The following GMDS variants were observed in gnomAD, a reference collection of about 807,000 sequenced individuals.
GMDS encodes GDP-mannose 4,6 dehydratase.
Under a neutral mutation model 49.9 loss-of-function variants are expected in GMDS, and 20 were observed. The ratio of observed to expected loss-of-function variants is 0.40; its 90% confidence interval spans 0.28 to 0.58. The LOEUF (loss-of-function observed/expected upper bound fraction) is 0.58, where lower values mean the gene tolerates loss of function less well. Among genes scored for constraint, GMDS ranks in the 20% least tolerant of loss-of-function variants. GMDS has a pLI of 0.42. For missense variants in GMDS, 362 were observed against 481.4 expected (o/e 0.75, Z 2.32); for synonymous variants, 177 against 178.6 (o/e 0.99, Z 0.07).
intron 7 of GMDS, among the ~76,000 whole-genome samples, chr6:1,803,729 A>C (rs1412767735): frequency 6.6e-6 from 1 of 152,180 alleles, no homozygotes; most frequent in African/African-American, 2.4e-5. Flanking sequence ...TGGGTCAATA[A>C]ATCTGCAGGA....
intron 9 of GMDS, among the ~76,000 whole-genome samples, chr6:1,680,372 A>G (rs764725605): frequency 5.3e-5 from 8 of 152,234 alleles, no homozygotes; most frequent in Non-Finnish European, 1.2e-4. Flanking sequence ...CAGTAAATAA[A>G]CAGGGCCTGA....
intron 7 of GMDS, among the ~76,000 whole-genome samples, chr6:1,824,048 T>C (rs1292707733): frequency 9.2e-5 from 14 of 152,120 alleles, no homozygotes; most frequent in East Asian, 1.9e-4. Context: ...TGTGTGCTTA[T>C]GCTATTACCA....
At chr6:2,029,553 C>T (rs1768827345) in intron 4 of GMDS, among the ~76,000 whole-genome samples, 1 of 152,170 alleles carries the variant, frequency 6.6e-6, no homozygotes, top group African/African-American at 2.4e-5. Flanking sequence ...CCAACTGCAC[C>T]TGCAGTCCAG....
intron 1 of GMDS, among the ~76,000 whole-genome samples, chr6:2,212,094 T>C (rs960124863): frequency 6.6e-6 from 1 of 152,234 alleles, no homozygotes; most frequent in Admixed American, 6.5e-5. Flanking sequence ...AGAACCTGTG[T>C]TACATTTCTC....
At chr6:1,776,116 A>C (rs541613324) in intron 7 of GMDS, among the ~76,000 whole-genome samples, 1 of 152,230 alleles carries the variant, frequency 6.6e-6, no homozygotes, top group South Asian at 2.1e-4. Context: ...CCTCCAACGA[A>C]AGCCGTGACC....
At chr6:1,846,274 G>A (rs924366482) in intron 7 of GMDS, among the ~76,000 whole-genome samples, 4 of 151,770 alleles carry the variant, frequency 2.6e-5, no homozygotes, top group African/African-American at 9.7e-5. Context: ...TGTATTTTTC[G>A]TAGAGACAGG....
chr6:1,851,892 G>A (rs1214976716), intron 7 of GMDS, among the ~76,000 whole-genome samples: 2 of 152,158 alleles, frequency 1.3e-5, no homozygotes, highest in African/African-American at 2.4e-5. Flanking sequence ...CAGACATCCG[G>A]AGCAGGCACA....
intron 7 of GMDS, among the ~76,000 whole-genome samples, chr6:1,826,724 GC>G (rs1398639676): frequency 6.6e-6 from 1 of 152,094 alleles, no homozygotes; most frequent in Admixed American, 6.5e-5. Context: ...CATTTTAGAA[GC>G]CCAGTATGTA....
chr6:1,626,707 T>C (rs921023205), intron 9 of GMDS, among the ~76,000 whole-genome samples: 2 of 152,218 alleles, frequency 1.3e-5, no homozygotes, highest in Admixed American at 6.5e-5. Flanking sequence ...TGTGAACTCA[T>C]AGTCAGCAAA....
intron 8 of GMDS, among the ~76,000 whole-genome samples, chr6:1,740,687 A>ATTT (rs35221392): frequency 6.7e-6 from 1 of 149,878 alleles, no homozygotes. Context: ...AAGAAGGCCA[A>ATTT]TTTTTTTTTT....
intron 4 of GMDS, among the ~76,000 whole-genome samples, chr6:2,075,581 T>C (rs1462465575): frequency 1.3e-5 from 2 of 152,258 alleles, no homozygotes; most frequent in African/African-American, 4.8e-5. Context: ...ACAAAGGACA[T>C]GAACTCATCA....
At chr6:2,199,417 A>G (rs1463625271) in intron 1 of GMDS, among the ~76,000 whole-genome samples, 1 of 152,166 alleles carries the variant, frequency 6.6e-6, no homozygotes, top group African/African-American at 2.4e-5. Flanking sequence ...CCCATTTCTA[A>G]TGGAATAAAA....
chr6:1,914,894 G>GCC (rs544163786), intron 7 of GMDS, among the ~76,000 whole-genome samples: 16 of 152,108 alleles, frequency 1.1e-4, no homozygotes, highest in Non-Finnish European at 2.1e-4. Context: ...TCCCACACAG[G>GCC]CCCCCCTCCT....
chr6:1,911,696 G>A (rs1438062306), intron 7 of GMDS, among the ~76,000 whole-genome samples: 3 of 152,088 alleles, frequency 2.0e-5, no homozygotes, highest in African/African-American at 4.8e-5. Flanking sequence ...ATATAATAAC[G>A]GCATGAACCA....
At chr6:2,222,062 C>A (rs1346236441) in intron 1 of GMDS, among the ~76,000 whole-genome samples, 2 of 152,226 alleles carry the variant, frequency 1.3e-5, no homozygotes, top group East Asian at 1.9e-4. Flanking sequence ...AACAATGTTT[C>A]AGTCTAGGCT....
At chr6:1,689,210 T>C (rs192067704) in intron 9 of GMDS, among the ~76,000 whole-genome samples, 1 of 152,320 alleles carries the variant, frequency 6.6e-6, no homozygotes, top group Admixed American at 6.5e-5. Flanking sequence ...ACTTCAAACT[T>C]GGTAGAATAC....
intron 7 of GMDS, among the ~76,000 whole-genome samples, chr6:1,846,135 C>G: frequency 6.7e-6 from 1 of 149,752 alleles, no homozygotes; most frequent in East Asian, 2.0e-4. Context: ...CTCTGTGACC[C>G]AGGCTGGAGT....
chr6:2,162,960 T>C (rs1304291909), intron 1 of GMDS, among the ~76,000 whole-genome samples: 1 of 152,182 alleles, frequency 6.6e-6, no homozygotes, highest in Admixed American at 6.5e-5. Context: ...GCTCTGGGAC[T>C]ACATCAAAAA....
intron 9 of GMDS, among the ~76,000 whole-genome samples, chr6:1,634,847 G>T (rs2569860): frequency 0.14 from 20,626 of 152,172 alleles, 2,063 homozygotes; most frequent in African/African-American, 0.29. Flanking sequence ...CGACGGAAAG[G>T]CGTGGGTGAA....
Sources: allele counts gnomAD v4.1 joint callset (sites outside exome capture counted in the v4.1 genomes callset), GRCh38; gene constraint gnomAD v4.1.1; transcripts MANE v1.5; gene names NCBI Gene and HGNC (gene_info 2026-07-23, HGNC 2026-07-21).